The following ST3GAL1 variants were observed in gnomAD, a reference collection of about 807,000 sequenced individuals.
The protein encoded by ST3GAL1 is ST3 beta-galactoside alpha-2,3-sialyltransferase 1, also known as CMP-N-acetylneuraminate-beta-galactosamide-alpha-2,3-sialyltransferase 1.
In ST3GAL1, 16 loss-of-function variants were observed where a neutral mutation model predicts 34.1. The observed-to-expected ratio is 0.47, with a 90% CI of 0.32 to 0.71. The LOEUF is 0.71. ST3GAL1 is among the 30% of genes least tolerant of loss of function. ST3GAL1 has a pLI of 0.04. For missense variants in ST3GAL1, 353 were observed against 447.4 expected, an observed-to-expected ratio of 0.79 and a Z score of 1.90; for synonymous variants, 191 against 184.7, an observed-to-expected ratio of 1.03 and a Z score of -0.28.
chr8:133,526,003 T>A (rs1002875077), intron 2 of ST3GAL1, among the ~76,000 whole-genome samples: 1 of 152,136 alleles, frequency 6.6e-6, no homozygotes, highest in African/African-American at 2.4e-5. Flanking sequence ...GGTTCCCACC[T>A]GTTCCTGGTC....
chr8:133,497,063 C>G (rs551809982), intron 3 of ST3GAL1, among the ~76,000 whole-genome samples: 32 of 152,334 alleles, frequency 2.1e-4, no homozygotes, highest in African/African-American at 7.5e-4. Context: ...AGCCCGCACA[C>G]AGGGGCCTGA....
At chr8:133,542,343 C>T (rs1045288538) in intron 2 of ST3GAL1, among the ~76,000 whole-genome samples, 12 of 152,114 alleles carry the variant, frequency 7.9e-5, no homozygotes, top group South Asian at 2.1e-4. Flanking sequence ...GCTCAAATGA[C>T]GATGGAGAAA....
In ST3GAL1 at chr8:133,570,677, G is replaced by C. The variant is rs1017482965; in HGVS notation, c.-582+1016C>G. Among the ~76,000 whole-genome samples the C allele has an allele frequency of 4.6e-5, 7 of 152,210 alleles. No individual in the cohort carries two copies. The highest frequency in any genetic ancestry group is 1.7e-4 in the African/African-American group (7 of 41,454). On this transcript the variant is annotated intron_variant, in intron 1 of 9. Coordinates refer to ENST00000522652, the MANE Select transcript of ST3GAL1 (RefSeq NM_173344.3). This position sits in a 1 kb window ranked among gnomAD's most constrained non-coding sequence, Gnocchi z 5.6. ...CAACCCCCATCTCAAGTTCAGCCGC[G>C]CTTCCTCCCGCAAGGTCACGCTTAA...
Position 133,469,202 on chromosome 8 carries a change from AATTGATTG to A in ST3GAL1, c.307-3120_307-3113del, listed in dbSNP as rs776708686. Reference sequence around the variant, plus strand: ...TTTAATGACTTATTTAAGAAAAATAAATTGATTGATTGATTGATTGATTTGATTTGATT... The same window carrying A: ...TTTAATGACTTATTTAAGAAAAATAAATTGATTGATTGATTTGATTTGATT... On this transcript the variant is annotated intron_variant, in intron 5 of 9. Transcript: ENST00000522652. This position sits in a 1 kb window ranked among gnomAD's most constrained non-coding sequence, Gnocchi z 4.3. Among the ~76,000 whole-genome samples, 21 of 152,246 alleles carry A rather than the reference AATTGATTG, an allele frequency of 1.4e-4. No homozygotes were observed. The highest frequency in any genetic ancestry group is 1.2e-3 in the Admixed American group (19 of 15,288).
rs543279395 is a variant in ST3GAL1, at chr8:133,550,556, T to A, written c.-581-4630A>T. 3.9e-5 allele frequency among the ~76,000 whole-genome samples: 6 copies of A among 152,232 alleles called. No individual in the cohort carries two copies. The South Asian group carries it at 6.2e-4, about 16-fold the overall frequency. On this transcript the variant is annotated intron_variant, in intron 1 of 9. Transcript: ENST00000522652. ...GTGTTCTTCCTAATACCAGGCGAAT[T>A]ACTATCATCCTGTTCCAGCCCATTC...
At chr8:133,563,759 G>A (rs1417118745) in intron 1 of ST3GAL1, among the ~76,000 whole-genome samples, 1 of 152,188 alleles carries the variant, frequency 6.6e-6, no homozygotes, top group African/African-American at 2.4e-5. Flanking sequence ...ACACTCCCGG[G>A]TGGAGATTTC....
At chr8:133,567,058 T>C (rs920735930) in intron 1 of ST3GAL1, 1 of 152,272 alleles carries the variant, frequency 6.6e-6, no homozygotes, top group Non-Finnish European at 1.5e-5. Context: ...GATGCTTTGA[T>C]ATTGAATGTA....
chr8:133,501,183 T>C (rs1719484852), intron 2 of ST3GAL1, among the ~76,000 whole-genome samples: 1 of 152,114 alleles, frequency 6.6e-6, no homozygotes, highest in African/African-American at 2.4e-5. Context: ...GGTTTTTCAG[T>C]GTTGCCATGG....
chr8:133,521,753 G>A (rs1372648286), intron 2 of ST3GAL1, among the ~76,000 whole-genome samples: 1 of 152,186 alleles, frequency 6.6e-6, no homozygotes, highest in African/African-American at 2.4e-5. Flanking sequence ...AAATAACACG[G>A]AGGAATATCT....
chr8:133,531,721 A>T (rs1399247951), intron 2 of ST3GAL1, among the ~76,000 whole-genome samples: 2 of 148,328 alleles, frequency 1.3e-5, no homozygotes, highest in Non-Finnish European at 3.0e-5. Context: ...AACCTAGATG[A>T]TGGGTTGACA....
At chr8:133,533,082 G>A (rs1018133179) in intron 2 of ST3GAL1, among the ~76,000 whole-genome samples, 2 of 152,142 alleles carry the variant, frequency 1.3e-5, no homozygotes, top group African/African-American at 4.8e-5. Flanking sequence ...CTGAATTTCC[G>A]CTGGATGCTG....
chr8:133,530,289 T>TA (rs1357002659), intron 2 of ST3GAL1, among the ~76,000 whole-genome samples: 30 of 119,050 alleles, frequency 2.5e-4, no homozygotes, highest in Admixed American at 1.1e-3. Context: ...TATTTTTATT[T>TA]TTTTTTTTTG....
intron 2 of ST3GAL1, among the ~76,000 whole-genome samples, chr8:133,539,146 A>G (rs562527248): frequency 1.7e-4 from 26 of 152,324 alleles, no homozygotes; most frequent in African/African-American, 6.3e-4. Flanking sequence ...ATGTGGGATC[A>G]CAGGTCAGCC....
intron 3 of ST3GAL1, among the ~76,000 whole-genome samples, chr8:133,496,265 T>C (rs980451653): frequency 5.9e-5 from 9 of 152,208 alleles, no homozygotes; most frequent in Non-Finnish European, 1.2e-4. Flanking sequence ...TTCTGAGCCC[T>C]GCGGAAAGAG....
At chr8:133,487,310 T>C (rs1456097231) in intron 3 of ST3GAL1, among the ~76,000 whole-genome samples, 4 of 145,670 alleles carry the variant, frequency 2.7e-5, no homozygotes, top group African/African-American at 5.1e-5. Context: ...TATATATATA[T>C]AGTGCTTAGA....
chr8:133,522,995 G>T (rs1042741305), intron 2 of ST3GAL1, among the ~76,000 whole-genome samples: 1 of 152,182 alleles, frequency 6.6e-6, no homozygotes, highest in Non-Finnish European at 1.5e-5. Flanking sequence ...CAGCCTTGCT[G>T]GGGGAGACAT....
rs1199600090 is a variant in ST3GAL1, at chr8:133,458,195, A to G, written c.*1569T>C. On this transcript the variant is annotated 3_prime_UTR_variant, in exon 10 of 10. Coordinates refer to ENST00000522652, the MANE Select transcript of ST3GAL1 (RefSeq NM_173344.3). ...ATCCCACGTCCGAGGACTCCTACAA[A>G]CCTCCCTTAAGCACCCCCACCTAAT... The G allele has an allele frequency of 6.6e-6, 1 of 151,964 alleles. No homozygotes were observed. The highest frequency in any genetic ancestry group is 1.5e-5 in the Non-Finnish European group (1 of 68,012). The allele number at this position is 151,964 out of a possible 1,614,324, so 9.4% of individuals were successfully genotyped here.
intron 2 of ST3GAL1, among the ~76,000 whole-genome samples, chr8:133,511,626 C>T (rs372824958): frequency 3.9e-4 from 60 of 152,318 alleles, no homozygotes; most frequent in Middle Eastern, 3.4e-3. Flanking sequence ...GTGATGCCAA[C>T]GTGCCACACC....
In ST3GAL1 at chr8:133,466,185, C is replaced by T; in HGVS notation, c.307-95G>A. ...AGCTACCTGCTGTCGTTTACTGGGG[C>T]CCTCCTGTTCACCCTTCTCTCTGCT... On this transcript the variant is annotated intron_variant, in intron 5 of 9. Coordinates refer to ENST00000522652, the MANE Select transcript of ST3GAL1 (RefSeq NM_173344.3). The surrounding 1 kb of genome is among the most constrained non-coding windows in gnomAD (Gnocchi z 4.4). 1 of 1,296,492 alleles carries T rather than the reference C, an allele frequency of 7.7e-7. No homozygotes were observed. Among genetic ancestry groups the T allele is most frequent in the South Asian group, 1.5e-5 (1 of 68,428 alleles). 80.3% of individuals were successfully genotyped at this position (1,296,492 alleles called of 1,614,324 possible).
Sources: allele counts gnomAD v4.1 joint callset (sites outside exome capture counted in the v4.1 genomes callset), GRCh38; gene constraint gnomAD v4.1.1; non-coding constraint Gnocchi (gnomAD v3.1); transcripts MANE v1.5; gene names NCBI Gene and HGNC (gene_info 2026-07-23, HGNC 2026-07-21).